ASTN2: variants seen among roughly 807,000 people sequenced by gnomAD.
ASTN2 encodes the protein astrotactin-2.
A neutral mutation model predicts 139.8 loss-of-function variants in ASTN2; 54 were observed. That is an observed-to-expected ratio of 0.39 (90% CI 0.31 to 0.48). ASTN2 has a LOEUF of 0.48. ASTN2 is among the 20% of genes least tolerant of loss of function. The pLI is 0.95. For missense variants in ASTN2, 1,565 were observed against 1,725.1 expected (o/e 0.91, Z 1.64); for synonymous variants, 756 against 719.5 (o/e 1.05, Z -0.81).
At chr9:117,060,241 G>A (rs1839202289) in intron 5 of ASTN2, among the ~76,000 whole-genome samples, 1 of 150,736 alleles carries the variant, frequency 6.6e-6, no homozygotes, top group Non-Finnish European at 1.5e-5. Context: ...AACCTGGGAG[G>A]TGGAGTTTAC....
chr9:116,732,769 C>A (rs10983333), intron 14 of ASTN2, among the ~76,000 whole-genome samples: 6,692 of 152,160 alleles, frequency 0.044, 184 homozygotes, highest in East Asian at 0.096. Flanking sequence ...GGTGGGGGAG[C>A]GGCAAAGTGG....
chr9:116,663,814 A>G (rs1858704976), intron 16 of ASTN2, among the ~76,000 whole-genome samples: 1 of 152,152 alleles, frequency 6.6e-6, no homozygotes, highest in Non-Finnish European at 1.5e-5. Flanking sequence ...CCTAACAATG[A>G]GAGGTAGGTT....
At chr9:117,224,987 C>T (rs1213521325) in intron 2 of ASTN2, among the ~76,000 whole-genome samples, 1 of 152,134 alleles carries the variant, frequency 6.6e-6, no homozygotes, top group Non-Finnish European at 1.5e-5. Flanking sequence ...TCTCTGTTTT[C>T]CCAGGATCCA....
At chr9:117,089,071 C>T (rs4415395) in intron 5 of ASTN2, among the ~76,000 whole-genome samples, 1 of 152,184 alleles carries the variant, frequency 6.6e-6, no homozygotes, top group Non-Finnish European at 1.5e-5. Context: ...CTGTGAGGTT[C>T]GGTGCTGAGG....
intron 10 of ASTN2, among the ~76,000 whole-genome samples, chr9:116,902,025 C>CAAATAAAT (rs914369003): frequency 6.6e-6 from 1 of 151,642 alleles, no homozygotes; most frequent in African/African-American, 2.4e-5. Flanking sequence ...ACTCTTGTTT[C>CAAATAAAT]AAATAAATAA....
At chr9:116,494,899 C>T (rs1311744941) in intron 19 of ASTN2, among the ~76,000 whole-genome samples, 1 of 152,114 alleles carries the variant, frequency 6.6e-6, no homozygotes, top group Non-Finnish European at 1.5e-5. Context: ...TTTCAGTCAC[C>T]CTTGTGTTAC....
chr9:117,252,506 C>A (rs773541883), intron 2 of ASTN2, among the ~76,000 whole-genome samples: 2 of 152,178 alleles, frequency 1.3e-5, no homozygotes, highest in Non-Finnish European at 2.9e-5. Flanking sequence ...AGAAACAGGA[C>A]AGATCCAGGC....
chr9:117,008,104 C>G lies in ASTN2; in HGVS notation c.1579G>C (p.Asp527His), dbSNP rs976057171. The G allele has an allele frequency of 1.3e-6, 2 of 1,593,692 alleles. No individual in the cohort carries two copies. Among genetic ancestry groups the G allele is most frequent in the Non-Finnish European group, 8.6e-7 (1 of 1,169,424 alleles). Residue 527 changes from aspartate to histidine, a missense_variant, in exon 7 of 23, where the codon GAC (aspartate) becomes CAC (histidine). Asp to His is a moderately conservative substitution (Grantham distance 81). This residue lies in a region of ASTN2 where 503 missense variants were observed against 591.7 expected (regional missense o/e 0.85). Transcript: ENST00000313400. ...RTTDACEQLCDPETGECSCHE... is the reference protein window; with the variant it reads ...RTTDACEQLCHPETGECSCHE... ...TCCCATGGCTCACCGGTTTCTGGGT[C>G]GCAGAGCTGCTCACAGGCATCTGTC...
At chr9:116,702,891 A>G (rs372398967) in intron 16 of ASTN2, among the ~76,000 whole-genome samples, 126 of 152,282 alleles carry the variant, frequency 8.3e-4, no homozygotes, top group African/African-American at 2.8e-3. Flanking sequence ...TCTTATTCCA[A>G]TCAGTAGAAT....
chr9:117,315,867 G>A (rs1007785012), intron 1 of ASTN2, among the ~76,000 whole-genome samples: 1 of 152,186 alleles, frequency 6.6e-6, no homozygotes, highest in Non-Finnish European at 1.5e-5. Flanking sequence ...ACTTCAGAGA[G>A]TAAAACCTCC....
intron 7 of ASTN2, among the ~76,000 whole-genome samples, chr9:116,980,168 G>A (rs191725119): frequency 2.6e-5 from 4 of 152,108 alleles, no homozygotes; most frequent in Admixed American, 6.6e-5. Context: ...TAGGGAAGTC[G>A]CCTTTTTGGT....
Position 116,793,932 on chromosome 9 carries a change from C to T in ASTN2, c.2396+11700G>A, listed in dbSNP as rs182303933. ...TAATGATGAGCTATTATTTGCTTCC[C>T]AGCTCTTAGAGGATCATATGGTTTG... On this transcript the variant is annotated intron_variant, in intron 13 of 22. Coordinates refer to ENST00000313400, the MANE Select transcript of ASTN2 (RefSeq NM_001365068.1). 3.1e-3 allele frequency among the ~76,000 whole-genome samples: 465 copies of T among 152,188 alleles called. 2 individuals are homozygous for T. The highest frequency in any genetic ancestry group is 0.01 in the Middle Eastern group (3 of 294).
chr9:117,060,465 G>A (rs55861730), intron 5 of ASTN2, among the ~76,000 whole-genome samples: 9,225 of 46,458 alleles, frequency 0.2, 1,392 homozygotes, highest in African/African-American at 0.29. Flanking sequence ...AGAAAGGAAG[G>A]AAGGAAGGAA....
chr9:117,037,997 T>G (rs574328726), intron 6 of ASTN2, among the ~76,000 whole-genome samples: 65 of 152,330 alleles, frequency 4.3e-4, no homozygotes, highest in South Asian at 1.7e-3. Context: ...TACATAGGTC[T>G]GAAAATCAAC....
At chr9:116,869,080 G>T (rs1303507958) in intron 10 of ASTN2, among the ~76,000 whole-genome samples, 1 of 152,102 alleles carries the variant, frequency 6.6e-6, no homozygotes, top group Non-Finnish European at 1.5e-5. Flanking sequence ...AGCTACTCGG[G>T]AGGCTGAAGC....
At chr9:117,306,628 T>C (rs1199064546) in intron 1 of ASTN2, among the ~76,000 whole-genome samples, 1 of 152,184 alleles carries the variant, frequency 6.6e-6, no homozygotes, top group African/African-American at 2.4e-5. Context: ...ACTGTCTTAA[T>C]GGAAACTGTG....
At position 117,225,535 on chromosome 9, in the gene ASTN2, G is replaced by GTGTATATATA. The variant is rs372269409; in HGVS notation, c.631-10794_631-10793insTATATATACA. Among the ~76,000 whole-genome samples the GTGTATATATA allele has an allele frequency of 1.4e-4, 9 of 63,962 alleles. No homozygotes were observed. In the South Asian group the frequency reaches 4.7e-3, roughly 33 times the overall value. The allele number at this position is 63,962 out of a possible 152,430, so 42.0% of individuals were successfully genotyped here. A position where few individuals can be genotyped will look rare whatever the true frequency, so the allele number is the denominator to read the frequency against. ...CAAGACCAGCCTGGCCAAGCTGTAT[G>GTGTATATATA]TATATATATATATATATATATATAT... On this transcript the variant is annotated intron_variant, in intron 2 of 22. Coordinates refer to ENST00000313400, the MANE Select transcript of ASTN2 (RefSeq NM_001365068.1).
At chr9:117,380,194 TC>T (rs1830229787) in intron 1 of ASTN2, among the ~76,000 whole-genome samples, 3 of 152,160 alleles carry the variant, frequency 2.0e-5, no homozygotes. Flanking sequence ...GGTTCTACCT[TC>T]CTTGAGCTTA....
chr9:116,917,992 C>T (rs1834499312), intron 10 of ASTN2, among the ~76,000 whole-genome samples: 1 of 152,110 alleles, frequency 6.6e-6, no homozygotes, highest in South Asian at 2.1e-4. Flanking sequence ...CCATGCTATT[C>T]TCATGATAGT....
Sources: gnomAD v4.1 joint callset for allele counts (sites outside exome capture counted in the v4.1 genomes callset) on GRCh38, gnomAD v4.1.1 for gene constraint, gnomAD v4.1.1 regional missense constraint, MANE v1.5 for transcripts, NCBI Gene and HGNC (gene_info 2026-07-23, HGNC 2026-07-21) for gene names.